Variants in MALRD1 observed in about 807,000 individuals in gnomAD.
MALRD1 encodes the protein MAM and LDL-receptor class A domain-containing protein 1.
In MALRD1, 247 loss-of-function variants were observed where a neutral mutation model predicts 242.1. That is an observed-to-expected ratio of 1.02 (90% CI 0.92 to 1.13). MALRD1 has a LOEUF of 1.13. MALRD1 is among the 50% of genes most tolerant of loss of function. MALRD1 has a pLI of 0.00. For missense variants in MALRD1, 2,989 were observed against 2,533.1 expected (o/e 1.18, Z -3.86); for synonymous variants, 995 against 866.6 (o/e 1.15, Z -2.60).
chr10:19,261,462 T>A (rs76098949), intron 19 of MALRD1, among the ~76,000 whole-genome samples: 32 of 136,720 alleles, frequency 2.3e-4, no homozygotes, highest in Admixed American at 4.4e-4. Context: ...AAAAAAAAAA[T>A]GTTACTCTTG....
At chr10:19,349,662 A>C (rs4303137) in intron 25 of MALRD1, among the ~76,000 whole-genome samples, 1 of 152,040 alleles carries the variant, frequency 6.6e-6, no homozygotes, top group African/African-American at 2.4e-5. Flanking sequence ...AAACCCAAGC[A>C]CACCAGATTT....
chr10:19,315,838 A>T (rs1033369350), intron 21 of MALRD1, among the ~76,000 whole-genome samples: 7 of 145,552 alleles, frequency 4.8e-5, no homozygotes, highest in Non-Finnish European at 9.0e-5. Context: ...TGAAATTTTT[A>T]AATTATTTTA....
chr10:19,330,320 T>C (rs1398907546), intron 23 of MALRD1, among the ~76,000 whole-genome samples: 1 of 151,658 alleles, frequency 6.6e-6, no homozygotes, highest in Admixed American at 6.6e-5. Flanking sequence ...GTTCACACAA[T>C]AGTATAAAGA....
intron 39 of MALRD1, among the ~76,000 whole-genome samples, chr10:19,732,449 G>A (rs2131946138): frequency 6.6e-6 from 1 of 152,204 alleles, no homozygotes; most frequent in African/African-American, 2.4e-5. Flanking sequence ...TTTTAGTAGA[G>A]ACAGGGTTTC....
At chr10:19,603,782 C>T (rs2131583259) in intron 34 of MALRD1, among the ~76,000 whole-genome samples, 1 of 152,230 alleles carries the variant, frequency 6.6e-6, no homozygotes, top group South Asian at 2.1e-4. Context: ...ACTATCATGT[C>T]TGTTATGGTG....
At chr10:19,542,241 A>C (rs1001182275) in intron 32 of MALRD1, among the ~76,000 whole-genome samples, 14 of 152,144 alleles carry the variant, frequency 9.2e-5, no homozygotes, top group Non-Finnish European at 1.2e-4. Flanking sequence ...TCTGAAGCTG[A>C]ATATTATTTC....
At chr10:19,175,425 A>G (rs1835187104) in intron 14 of MALRD1, 97 bp downstream of exon 14, 18 of 856,808 alleles carry the variant, frequency 2.1e-5, no homozygotes, top group East Asian at 9.7e-5. Context: ...AATACCTAAT[A>G]CAGGGTGTGG....
At chr10:19,190,416 A>G (rs1013351603) in intron 14 of MALRD1, among the ~76,000 whole-genome samples, 4 of 152,156 alleles carry the variant, frequency 2.6e-5, no homozygotes, top group African/African-American at 9.6e-5. Context: ...CTGTTAAAAT[A>G]CCAATCACAT....
intron 36 of MALRD1, among the ~76,000 whole-genome samples, chr10:19,640,116 T>G (rs1414353022): frequency 6.6e-6 from 1 of 151,992 alleles, no homozygotes; most frequent in Non-Finnish European, 1.5e-5. Flanking sequence ...TGAGAAAGAG[T>G]TTCGCTCTTG....
intron 36 of MALRD1, among the ~76,000 whole-genome samples, chr10:19,681,867 T>G (rs1319565937): frequency 6.6e-6 from 1 of 150,736 alleles, no homozygotes; most frequent in East Asian, 2.0e-4. Flanking sequence ...ACTTTTTTTT[T>G]TTTTTTTTTG....
intron 26 of MALRD1, among the ~76,000 whole-genome samples, chr10:19,366,394 A>G (rs1270447315): frequency 1.3e-5 from 2 of 152,016 alleles, no homozygotes; most frequent in Non-Finnish European, 2.9e-5. Context: ...CTCAGGTGGT[A>G]ATGTGAGTGG....
intron 24 of MALRD1, among the ~76,000 whole-genome samples, chr10:19,345,799 T>C (rs937888879): frequency 1.3e-5 from 2 of 152,106 alleles, no homozygotes; most frequent in African/African-American, 4.8e-5. Context: ...TAAAAATGAT[T>C]ATTTTAAGCC....
intron 2 of MALRD1, among the ~76,000 whole-genome samples, chr10:19,071,001 G>A (rs1043536529): frequency 1.3e-5 from 2 of 151,678 alleles, no homozygotes; most frequent in Admixed American, 6.6e-5. Context: ...ACAGGCATGT[G>A]CCACCACTCC....
rs367592474 is a variant in MALRD1, at chr10:19,603,487, A to G, written c.5945-4290A>G. The stretch of plus-strand genomic sequence containing the variant: ...ATTTCTTGTTTTTGTCAGGTTTGTC[A>G]AAGATCAGATGGTTGTAGATGTGTG... On this transcript the variant is annotated intron_variant, in intron 34 of 39. Coordinates refer to ENST00000454679, the MANE Select transcript of MALRD1 (RefSeq NM_001142308.3). Among the ~76,000 whole-genome samples, 13 of 152,268 alleles carry G rather than the reference A, an allele frequency of 8.5e-5. No homozygotes were observed. In the East Asian group the frequency reaches 2.3e-3, roughly 27 times the overall value.
rs1373611693 is a variant in MALRD1 at position 19,209,700 on chromosome 10, T to TA, written c.2991+22dup. On this transcript the variant is annotated intron_variant, in intron 18 of 39. Transcript: ENST00000454679. ...TTTCAGGTATGGATAATAGATTTTA[T>TA]AATGTACATTTGAAATGCATCTGAA... 6.6e-7 allele frequency: 1 copy of TA among 1,508,864 alleles called. No homozygotes were observed. Among genetic ancestry groups the TA allele is most frequent in the African/African-American group, 1.4e-5 (1 of 71,580 alleles). The allele number at this position is 1,508,864 out of a possible 1,614,324, so 93.5% of individuals were successfully genotyped here.
At chr10:19,246,771 A>G (rs1279909149) in intron 18 of MALRD1, among the ~76,000 whole-genome samples, 1 of 152,156 alleles carries the variant, frequency 6.6e-6, no homozygotes, top group Non-Finnish European at 1.5e-5. Flanking sequence ...TTTCAGGGAA[A>G]GTAGTATACT....
At chr10:19,314,694 C>T (rs1012903564) in intron 21 of MALRD1, among the ~76,000 whole-genome samples, 1 of 151,526 alleles carries the variant, frequency 6.6e-6, no homozygotes, top group Non-Finnish European at 1.5e-5. Context: ...GGAACATAGC[C>T]ATACCACTCT....
chr10:19,177,664 G>GT (rs1391289521), intron 14 of MALRD1, among the ~76,000 whole-genome samples: 1 of 152,078 alleles, frequency 6.6e-6, no homozygotes, highest in African/African-American at 2.4e-5. Context: ...GTTTTTATTT[G>GT]TTTTTCAGCC....
At chr10:19,636,330 C>G (rs1458734565) in intron 36 of MALRD1, among the ~76,000 whole-genome samples, 1 of 152,002 alleles carries the variant, frequency 6.6e-6, no homozygotes, top group Admixed American at 6.6e-5. Flanking sequence ...TCCAATAAAG[C>G]AAATAATTCC....
Sources: gnomAD v4.1 joint callset for allele counts (sites outside exome capture counted in the v4.1 genomes callset) on GRCh38, gnomAD v4.1.1 for gene constraint, MANE v1.5 for transcripts, NCBI Gene and HGNC (gene_info 2026-07-23, HGNC 2026-07-21) for gene names.